The following PDE4D variants were observed in gnomAD, a reference collection of about 807,000 sequenced individuals.
PDE4D encodes the protein phosphodiesterase 4D, also known as 3',5'-cyclic-AMP phosphodiesterase 4D.
A neutral mutation model predicts 87.4 loss-of-function variants in PDE4D; 24 were observed. The observed-to-expected ratio is 0.27, with a 90% CI of 0.20 to 0.39. PDE4D has a LOEUF of 0.39. Ranked by LOEUF, PDE4D falls within the 10% of genes least tolerant of loss-of-function variation. The pLI is 1.00. For synonymous variants in PDE4D, 384 were observed against 383.2 expected (o/e 1.00, Z -0.02); for missense variants, 714 against 1,041.0 (o/e 0.69, Z 4.32).
chr5:59,749,593 ATCACTC>A (rs1369987337), intron 1 of PDE4D, among the ~76,000 whole-genome samples: 3 of 152,020 alleles, frequency 2.0e-5, no homozygotes, highest in Non-Finnish European at 4.4e-5. Context: ...GCCTCCAGAT[ATCACTC>A]TCAATTTTTC....
At chr5:60,039,823 G>T (rs1380457849) in intron 2 of PDE4D, among the ~76,000 whole-genome samples, 2 of 152,042 alleles carry the variant, frequency 1.3e-5, no homozygotes, top group Non-Finnish European at 2.9e-5. Context: ...AGGAAATTCT[G>T]CTATTGTGCT....
At chr5:59,800,861 G>C (rs957002091) in intron 1 of PDE4D, among the ~76,000 whole-genome samples, 11 of 152,164 alleles carry the variant, frequency 7.2e-5, no homozygotes, top group African/African-American at 2.2e-4. Context: ...GGGGAAAATA[G>C]AATGTGTACA....
At chr5:60,246,635 C>A (rs1315321079) in intron 1 of PDE4D, among the ~76,000 whole-genome samples, 1 of 151,252 alleles carries the variant, frequency 6.6e-6, no homozygotes, top group African/African-American at 2.4e-5. Context: ...CTTTTTTTAA[C>A]CTTATTTTTT....
intron 2 of PDE4D, among the ~76,000 whole-genome samples, chr5:60,067,532 C>T (rs1025674301): frequency 6.6e-6 from 1 of 152,114 alleles, no homozygotes; most frequent in Admixed American, 6.6e-5. Flanking sequence ...TATAATACCA[C>T]TGTCTTTTTA....
chr5:59,445,729 G>C (rs1419004250), intron 1 of PDE4D, among the ~76,000 whole-genome samples: 1 of 152,170 alleles, frequency 6.6e-6, no homozygotes. Flanking sequence ...ATTATGTCAT[G>C]TTGCTTATAT....
At chr5:60,318,666 T>G (rs1755884907) in intron 1 of PDE4D, among the ~76,000 whole-genome samples, 2 of 152,132 alleles carry the variant, frequency 1.3e-5, no homozygotes, top group African/African-American at 4.8e-5. Context: ...AGGAGCTCTT[T>G]TAGGGCAGCC....
intron 3 of PDE4D, among the ~76,000 whole-genome samples, chr5:59,975,121 C>T (rs1761174077): frequency 1.3e-5 from 2 of 152,220 alleles, no homozygotes; most frequent in African/African-American, 2.4e-5. Flanking sequence ...ATCAACTCTA[C>T]TTCCTTGTCT....
intron 1 of PDE4D, among the ~76,000 whole-genome samples, chr5:59,322,868 C>A (rs1385734262): frequency 2.6e-5 from 4 of 152,074 alleles, no homozygotes; most frequent in Admixed American, 2.6e-4. Flanking sequence ...CAACCTGCAG[C>A]CTGAAGCAGC....
chr5:59,144,637 A>C (rs1259124740), intron 5 of PDE4D, among the ~76,000 whole-genome samples: 1 of 152,196 alleles, frequency 6.6e-6, no homozygotes, highest in Non-Finnish European at 1.5e-5. Flanking sequence ...ACACTGATGA[A>C]GTCTGTAGTT....
chr5:60,406,176 C>G (rs1195646307), intron 1 of PDE4D, among the ~76,000 whole-genome samples: 1 of 152,184 alleles, frequency 6.6e-6, no homozygotes, highest in Non-Finnish European at 1.5e-5. Flanking sequence ...GGATAAGCAT[C>G]TCCTATCCAA....
chr5:59,093,694 CTTTGT>C (rs1769159013), intron 5 of PDE4D, among the ~76,000 whole-genome samples: 1 of 152,118 alleles, frequency 6.6e-6, no homozygotes, highest in Admixed American at 6.5e-5. Flanking sequence ...GTCATTGTTG[CTTTGT>C]TTTGTGTGTG....
At chr5:59,642,298 T>A (rs1020126715) in intron 1 of PDE4D, among the ~76,000 whole-genome samples, 1 of 152,076 alleles carries the variant, frequency 6.6e-6, no homozygotes. Flanking sequence ...CTTTTATAAT[T>A]TCAAATGTTT....
chr5:59,376,203 G>T (rs955869723), intron 1 of PDE4D, among the ~76,000 whole-genome samples: 4 of 152,148 alleles, frequency 2.6e-5, no homozygotes, highest in African/African-American at 9.7e-5. Flanking sequence ...ATAAGAGAAA[G>T]AAATAAAGCA....
At chr5:60,377,242 A>T (rs58744279) in intron 1 of PDE4D, among the ~76,000 whole-genome samples, 106 of 152,330 alleles carry the variant, frequency 7.0e-4, no homozygotes, top group African/African-American at 2.3e-3. Flanking sequence ...CAAAGACTAT[A>T]TCTGACTTGG....
intron 6 of PDE4D, among the ~76,000 whole-genome samples, chr5:59,010,683 G>A (rs1215036941): frequency 6.6e-6 from 1 of 152,040 alleles, no homozygotes. Context: ...TATAGCTGGG[G>A]GAGGTTCCAA....
chr5:59,614,523 G>A (rs991344331), intron 1 of PDE4D, among the ~76,000 whole-genome samples: 1 of 152,184 alleles, frequency 6.6e-6, no homozygotes, highest in African/African-American at 2.4e-5. Context: ...AACTGTAAGA[G>A]TCTATGTTAC....
At chr5:60,233,062 C>T (rs910691084) in intron 1 of PDE4D, among the ~76,000 whole-genome samples, 1 of 151,544 alleles carries the variant, frequency 6.6e-6, no homozygotes, top group Non-Finnish European at 1.5e-5. Flanking sequence ...AGATTAGAAT[C>T]CATATAAATA....
chr5:59,463,710 G>A (rs1438205085), intron 1 of PDE4D, among the ~76,000 whole-genome samples: 3 of 152,212 alleles, frequency 2.0e-5, no homozygotes, highest in Non-Finnish European at 4.4e-5. Context: ...GTACTTGGAT[G>A]TTCAAGTCAA....
chr5:59,244,031 G>A (rs553759981), intron 1 of PDE4D, among the ~76,000 whole-genome samples: 1 of 152,182 alleles, frequency 6.6e-6, no homozygotes, highest in South Asian at 2.1e-4. Flanking sequence ...CATGTAAAAT[G>A]GATTCCTATG....
Sources: gnomAD v4.1 joint callset for allele counts (sites outside exome capture counted in the v4.1 genomes callset) on GRCh38, gnomAD v4.1.1 for gene constraint, MANE v1.5 for transcripts, NCBI Gene and HGNC (gene_info 2026-07-23, HGNC 2026-07-21) for gene names.